KLHL13: variants seen among roughly 807,000 people sequenced by gnomAD.
KLHL13 encodes kelch like family member 13.
In KLHL13, 10 loss-of-function variants were observed where a neutral mutation model predicts 37.1. The ratio of observed to expected loss-of-function variants is 0.27; its 90% CI spans 0.17 to 0.46. KLHL13 has a LOEUF of 0.46. Among genes scored for constraint, KLHL13 ranks in the 20% least tolerant of loss-of-function variants. The pLI, the probability that KLHL13 is intolerant of heterozygous loss-of-function variation, is 1.00. For missense variants in KLHL13, 360 were observed against 509.3 expected, an observed-to-expected ratio of 0.71 and a Z score of 2.82; for synonymous variants, 163 against 181.2, an observed-to-expected ratio of 0.90 and a Z score of 0.81.
At chrX:118,102,003 G>C (rs933418054) in intron 1 of KLHL13, among the ~76,000 whole-genome samples, 1 of 111,643 alleles carries the variant, frequency 9.0e-6, no homozygotes, top group African/African-American at 3.3e-5. Flanking sequence ...AATACAAGTA[G>C]CAAGTACAAA....
At chrX:117,930,278 A>AGGCAGGC (rs1486717452) in intron 2 of KLHL13, among the ~76,000 whole-genome samples, 38 of 88,787 alleles carry the variant, frequency 4.3e-4, no homozygotes, top group African/African-American at 1.5e-3. Context: ...GGAAGGAAGG[A>AGGCAGGC]AGGAAGGAAG....
intron 1 of KLHL13, among the ~76,000 whole-genome samples, chrX:117,966,301 C>A (rs2053429109): frequency 9.0e-6 from 1 of 111,531 alleles, no homozygotes; most frequent in Non-Finnish European, 1.9e-5. Context: ...AGGGAACTCC[C>A]ATTCACAATT....
At chrX:118,019,101 G>A (rs1350928721) in intron 1 of KLHL13, among the ~76,000 whole-genome samples, 1 of 110,581 alleles carries the variant, frequency 9.0e-6, no homozygotes, top group Non-Finnish European at 1.9e-5. Context: ...TTTCAGAATA[G>A]AATATATCAT....
chrX:118,060,117 T>C (rs755530848), intron 1 of KLHL13, among the ~76,000 whole-genome samples: 1 of 111,910 alleles, frequency 8.9e-6, no homozygotes, highest in African/African-American at 3.2e-5. Context: ...AGCATATAAA[T>C]GCTATGAATG....
intron 1 of KLHL13, among the ~76,000 whole-genome samples, chrX:118,069,109 T>A (rs866248210): frequency 1.2e-4 from 10 of 83,992 alleles, no homozygotes; most frequent in African/African-American, 2.9e-4. Flanking sequence ...TCCAGAAGAG[T>A]CACACACACA....
intron 1 of KLHL13, among the ~76,000 whole-genome samples, chrX:118,061,426 C>T (rs895371127): frequency 3.6e-5 from 4 of 111,050 alleles, no homozygotes; most frequent in Non-Finnish European, 5.7e-5. Flanking sequence ...ACACAATAAA[C>T]ACCAGGAACT....
At chrX:117,996,255 T>A (rs182114850) in intron 1 of KLHL13, among the ~76,000 whole-genome samples, 110 of 112,278 alleles carry the variant, frequency 9.8e-4, no homozygotes, top group Admixed American at 9.0e-3. Flanking sequence ...TGATAGTTGT[T>A]TTCTTTGCAG....
At chrX:117,932,055 CATA>C (rs1371710015) in intron 2 of KLHL13, among the ~76,000 whole-genome samples, 9 of 110,878 alleles carry the variant, frequency 8.1e-5, no homozygotes, top group African/African-American at 2.9e-4. Flanking sequence ...ATAATTGACA[CATA>C]ATAATTGTAC....
intron 1 of KLHL13, among the ~76,000 whole-genome samples, chrX:118,089,612 GAAAGAA>G (rs1379901718): frequency 2.8e-4 from 16 of 57,647 alleles, no homozygotes; most frequent in African/African-American, 8.5e-4. Flanking sequence ...GAGAGAGAGA[GAAAGAA>G]AGAGAAAGAA....
rs147526302 is a variant in KLHL13, at chrX:118,059,846, C to A, written c.-56+56662G>T. ...ATATTATAATGGTTAAGAGCATGGG[C>A]CCTGCAAATAAGCTATCATGGTGTT... On this transcript the variant is annotated intron_variant, in intron 1 of 6. Coordinates refer to the KLHL13 transcript ENST00000371882. 1.5e-3 allele frequency among the ~76,000 whole-genome samples: 164 copies of A among 111,143 alleles called. 2 individuals carry two copies. The highest frequency in any genetic ancestry group is 5.2e-3 in the African/African-American group (159 of 30,594).
chrX:117,958,601 G>A (rs1349772020), intron 1 of KLHL13, among the ~76,000 whole-genome samples: 3 of 109,106 alleles, frequency 2.7e-5, no homozygotes, highest in Admixed American at 1.0e-4. Flanking sequence ...TTGAGCATCT[G>A]CTATGTGCCA....
intron 1 of KLHL13, among the ~76,000 whole-genome samples, chrX:118,096,199 A>ACTAATAAAGAAG (rs2055203982): frequency 1.8e-5 from 2 of 111,779 alleles, no homozygotes; most frequent in African/African-American, 6.5e-5. Context: ...AATAAAGAAG[A>ACTAATAAAGAAG]AAAGAGAGAA....
intron 1 of KLHL13, among the ~76,000 whole-genome samples, chrX:118,083,284 G>A (rs2055017343): frequency 9.0e-6 from 1 of 110,845 alleles, no homozygotes; most frequent in African/African-American, 3.3e-5. Flanking sequence ...CTATGCCCTC[G>A]TGTTTACTGC....
At chrX:118,066,021 T>C (rs750182307) in intron 1 of KLHL13, among the ~76,000 whole-genome samples, 4 of 111,872 alleles carry the variant, frequency 3.6e-5, no homozygotes, top group Non-Finnish European at 7.5e-5. Flanking sequence ...CCAAGTAGAA[T>C]TGTTACAAAG....
intron 1 of KLHL13, among the ~76,000 whole-genome samples, chrX:118,067,124 C>T (rs908039607): frequency 2.7e-5 from 3 of 111,901 alleles, no homozygotes; most frequent in African/African-American, 6.5e-5. Context: ...CCAGGTTATA[C>T]GGTATAGCCT....
intron 2 of KLHL13, among the ~76,000 whole-genome samples, chrX:117,923,393 GTTTA>G (rs1931831037): frequency 8.9e-6 from 1 of 111,733 alleles, no homozygotes. Context: ...CCCCCTTTAT[GTTTA>G]TTTATCAAAT....
chrX:117,947,801 A>G (rs1482123905), intron 1 of KLHL13: 3 of 111,334 alleles, frequency 2.7e-5, no homozygotes, highest in East Asian at 5.7e-4. Context: ...ATTCCCATCT[A>G]TCTCCCCTTT....
chrX:118,005,357 T>C (rs767109470), intron 1 of KLHL13, among the ~76,000 whole-genome samples: 10 of 112,063 alleles, frequency 8.9e-5, no homozygotes, highest in African/African-American at 1.3e-4. Context: ...ATTATCTTAA[T>C]ACCCTCCAAA....
chrX:118,109,947 G>A (rs1381804338), intron 1 of KLHL13, among the ~76,000 whole-genome samples: 1 of 111,515 alleles, frequency 9.0e-6, no homozygotes. Flanking sequence ...GCCACAGCAT[G>A]AGGATCACTT....
Sources: allele counts gnomAD v4.1 joint callset (sites outside exome capture counted in the v4.1 genomes callset), GRCh38; gene constraint gnomAD v4.1.1; transcripts MANE v1.5; gene names NCBI Gene and HGNC (gene_info 2026-07-23, HGNC 2026-07-21).